CCDC167: variants seen among roughly 807,000 people sequenced by gnomAD.
CCDC167 encodes coiled-coil domain-containing protein 167.
CCDC167 carries 15 observed loss-of-function variants against 12.7 expected under a neutral mutation model. The ratio of observed to expected loss-of-function variants is 1.18; its 90% CI spans 0.79 to 1.81. The LOEUF is 1.81. Among genes scored for constraint, CCDC167 ranks in the 40% most tolerant of loss-of-function variants. CCDC167 has a pLI of 0.00. For missense variants in CCDC167, 121 were observed against 120.1 expected, an observed-to-expected ratio of 1.01 and a Z score of -0.03; for synonymous variants, 52 against 49.0, an observed-to-expected ratio of 1.06 and a Z score of -0.26.
intron 1 of CCDC167, among the ~76,000 whole-genome samples, chr6:37,496,673 C>T (rs1268160170): frequency 2.0e-5 from 3 of 152,196 alleles, no homozygotes; most frequent in Non-Finnish European, 4.4e-5. Flanking sequence ...GTGCCAGGCA[C>T]GTGCTGGGCA....
chr6:37,491,392 G>A (rs183063757), intron 1 of CCDC167, among the ~76,000 whole-genome samples: 275 of 152,318 alleles, frequency 1.8e-3, no homozygotes, highest in Non-Finnish European at 3.3e-3. Context: ...AAGGGCAGAA[G>A]GCACCCCCGG....
intron 1 of CCDC167, among the ~76,000 whole-genome samples, chr6:37,497,085 A>G (rs559044547): frequency 3.9e-5 from 6 of 152,362 alleles, no homozygotes; most frequent in Non-Finnish European, 7.3e-5. Context: ...TTGGCAACTA[A>G]GCCCTGTGGC....
rs374683329 is a variant in CCDC167 at position 37,483,279 on chromosome 6, C to T, written c.201G>A (p.Leu67=). The T allele has an allele frequency of 1.2e-6, 2 of 1,612,948 alleles. No individual in the cohort carries two copies. The highest frequency in any genetic ancestry group is 2.2e-5 in the South Asian group (2 of 91,048). Residue 67 remains leucine (L), a synonymous_variant, in exon 4 of 4, where the codon CTG becomes CTA. Transcript: ENST00000373408. ...TCCGGTTCTCTTGCCGAAGAAACTT[C>T]AGTTCCTTCTCTGGGAGGAAAGAGG... ...MNKASNYEKE[L]KFLRQENRKN...
intron 1 of CCDC167, among the ~76,000 whole-genome samples, chr6:37,488,120 G>A (rs938199828): frequency 5.3e-5 from 8 of 152,182 alleles, no homozygotes; most frequent in Non-Finnish European, 8.8e-5. Flanking sequence ...GGCCTGGTTC[G>A]GGAAGCTGAC....
At chr6:37,492,221 C>G (rs1375267426) in intron 1 of CCDC167, among the ~76,000 whole-genome samples, 4 of 152,234 alleles carry the variant, frequency 2.6e-5, no homozygotes, top group African/African-American at 9.6e-5. Flanking sequence ...ACTTCAAGCT[C>G]TTTCTCCAAA....
chr6:37,499,220 T>C (rs953643332), intron 1 of CCDC167, among the ~76,000 whole-genome samples: 1 of 152,222 alleles, frequency 6.6e-6, no homozygotes, highest in African/African-American at 2.4e-5. Context: ...GGTTGCTCAG[T>C]ATGTATGTTT....
intron 1 of CCDC167, among the ~76,000 whole-genome samples, chr6:37,487,201 T>C (rs984354946): frequency 6.6e-6 from 1 of 152,198 alleles, no homozygotes; most frequent in Non-Finnish European, 1.5e-5. Context: ...GCCCACAGAT[T>C]GGCCCATTCC....
intron 1 of CCDC167, among the ~76,000 whole-genome samples, chr6:37,499,560 G>GCT (rs1471359745): frequency 3.3e-5 from 5 of 151,908 alleles, no homozygotes; most frequent in African/African-American, 1.2e-4. Context: ...CGTCTTTGGG[G>GCT]CTCCCCTTCA....
chr6:37,484,684 G>A (rs1761918312), intron 3 of CCDC167, 126 bp downstream of exon 3: 2 of 1,060,172 alleles, frequency 1.9e-6, no homozygotes, highest in African/African-American at 3.2e-5. Flanking sequence ...TGCAGCCTCT[G>A]GGGGCTGGTT....
rs764902665 is a variant in CCDC167 at position 37,483,190 on chromosome 6, A to G, written c.290T>C (p.Met97Thr). The G allele has an allele frequency of 8.7e-6, 14 of 1,612,034 alleles. No homozygotes were observed. Among genetic ancestry groups the G allele is most frequent in the Admixed American group, 1.7e-5 (1 of 60,002 alleles). Residue 97 changes from methionine (M) to threonine (T), a missense_variant, in exon 4 of 4, where the codon ATG becomes ACG. Transcript: ENST00000373408. The part of the protein sequence containing the change: ...LLTLVYAYWT[M>T] ...GGTTGTGGGGAAGTGCCAGGCTCAC[A>G]TGGTCCAGTAGGCATAGACGAGCGT...
At chr6:37,491,619 C>G (rs574505962) in intron 1 of CCDC167, among the ~76,000 whole-genome samples, 1 of 152,112 alleles carries the variant, frequency 6.6e-6, no homozygotes, top group South Asian at 2.1e-4. Context: ...GTAGCTGAGC[C>G]GAGCCAAGTC....
At chr6:37,497,725 G>A (rs1331841479) in intron 1 of CCDC167, among the ~76,000 whole-genome samples, 2 of 152,060 alleles carry the variant, frequency 1.3e-5, no homozygotes, top group African/African-American at 4.8e-5. Flanking sequence ...TGTGGTGGTG[G>A]TCTAATCCTG....
intron 1 of CCDC167, among the ~76,000 whole-genome samples, chr6:37,495,752 G>T (rs1273978183): frequency 6.6e-6 from 1 of 152,186 alleles, no homozygotes; most frequent in Non-Finnish European, 1.5e-5. Context: ...GAGACTGTTT[G>T]CAGGTGCTGA....
chr6:37,487,464 TAGG>T (rs1237399970), intron 1 of CCDC167, among the ~76,000 whole-genome samples: 2 of 152,176 alleles, frequency 1.3e-5, no homozygotes, highest in East Asian at 1.9e-4. Context: ...TAGAAAAAGC[TAGG>T]AGGAGGAGAA....
chr6:37,498,064 A>G (rs1762119622), intron 1 of CCDC167, among the ~76,000 whole-genome samples: 1 of 152,160 alleles, frequency 6.6e-6, no homozygotes, highest in South Asian at 2.1e-4. Context: ...TGCATTTGCC[A>G]CAAAAGCACT....
rs777167224 is a variant in CCDC167 at position 37,499,852 on chromosome 6, C to T, written c.12G>A (p.Lys4=). ...GAGCGACGCCCAGATTCTCCCGCTT[C>T]TTTTTAGTCATGTTACTTGCCGGGA... MTK[K]KRENLGVALE... is the part of the protein sequence containing the mutation. The change falls in exon 1 of 4, where the codon AAG becomes AAA. Residue 4 remains lysine (K), a synonymous_variant. Coordinates refer to ENST00000373408, the MANE Select transcript of CCDC167 (RefSeq NM_138493.3). 1.9e-6 allele frequency: 3 copies of T among 1,614,066 alleles called. No homozygotes were observed. The Admixed American group carries it at 5.0e-5, about 27-fold the overall frequency.
intron 1 of CCDC167, among the ~76,000 whole-genome samples, chr6:37,485,851 A>G (rs1259568676): frequency 6.6e-6 from 1 of 152,236 alleles, no homozygotes; most frequent in Non-Finnish European, 1.5e-5. Context: ...AACTTTACCT[A>G]CCATCAAGGT....
intron 1 of CCDC167, among the ~76,000 whole-genome samples, chr6:37,497,523 G>A (rs1762112611): frequency 7.4e-6 from 1 of 135,644 alleles, no homozygotes; most frequent in Non-Finnish European, 1.6e-5. Flanking sequence ...CAGCACTTCA[G>A]CCCTATGCTT....
chr6:37,484,599 A>C (rs1028328363), intron 3 of CCDC167, among the ~76,000 whole-genome samples: 4 of 152,200 alleles, frequency 2.6e-5, no homozygotes, highest in Non-Finnish European at 5.9e-5. Context: ...ACAGACCCAC[A>C]GGCGGTCTCA....
Sources: allele counts gnomAD v4.1 joint callset (sites outside exome capture counted in the v4.1 genomes callset), GRCh38; gene constraint gnomAD v4.1.1; transcripts MANE v1.5; gene names NCBI Gene and HGNC (gene_info 2026-07-23, HGNC 2026-07-21).